Variants in TLN2 observed in about 807,000 individuals in gnomAD.
The protein encoded by TLN2 is talin-2.
TLN2 carries 118 observed loss-of-function variants against 294.7 expected under a neutral mutation model. The observed-to-expected ratio is 0.40, with a 90% CI of 0.34 to 0.47. The LOEUF (loss-of-function observed/expected upper bound fraction) is 0.47. Among genes scored for constraint, TLN2 ranks in the 20% least tolerant of loss-of-function variants. The probability of loss-of-function intolerance (pLI) is 0.84; values close to 1 mark genes in which losing one functional copy is unlikely to be tolerated. For missense variants in TLN2, 3,083 were observed against 3,282.2 expected, an observed-to-expected ratio of 0.94 and a Z score of 1.48; for synonymous variants, 1,431 against 1,304.5, an observed-to-expected ratio of 1.10 and a Z score of -2.09.
At chr15:62,544,499 A>T (rs2041877827) in intron 1 of TLN2, among the ~76,000 whole-genome samples, 1 of 152,204 alleles carries the variant, frequency 6.6e-6, no homozygotes, top group South Asian at 2.1e-4. Flanking sequence ...AAGAAAAACC[A>T]ACACTGTGTG....
In TLN2 at chr15:62,755,566, C is replaced by T. The variant is rs372515133; in HGVS notation, c.4511C>T (p.Thr1504Met). Residue 1504 changes from threonine (T) to methionine (M), a missense_variant, in exon 37 of 59, where the codon ACG becomes ATG. Coordinates refer to ENST00000636159, the MANE Select transcript of TLN2 (RefSeq NM_015059.3). The stretch of plus-strand genomic sequence containing the variant: ...GCCGCCACAATTGTTGCCAAGCACA[C>T]GTCAGCCTTGTGCAATGCCTGCCGC... ...LSAATIVAKH[T>M]SALCNACRIA... The T allele has an allele frequency of 3.0e-5, 49 of 1,614,130 alleles. No individual in the cohort carries two copies. Among genetic ancestry groups the T allele is most frequent in the South Asian group, 1.1e-4 (10 of 91,092 alleles).
chr15:62,581,776 GC>G (rs998231314), intron 1 of TLN2, among the ~76,000 whole-genome samples: 2 of 152,096 alleles, frequency 1.3e-5, no homozygotes, highest in African/African-American at 2.4e-5. Context: ...GGGTGCGGTG[GC>G]TCACACCTGT....
chr15:62,790,287 A>G (rs768492265), intron 45 of TLN2, among the ~76,000 whole-genome samples: 27 of 152,220 alleles, frequency 1.8e-4, no homozygotes, highest in Non-Finnish European at 3.2e-4. Flanking sequence ...ATAACCCATT[A>G]CTGCTATCCG....
chr15:62,594,794 A>G (rs982921850), intron 2 of TLN2, among the ~76,000 whole-genome samples: 1 of 152,228 alleles, frequency 6.6e-6, no homozygotes, highest in Non-Finnish European at 1.5e-5. Flanking sequence ...CAATGAAAAC[A>G]GAAATAGACA....
intron 50 of TLN2, 58 bp from the exon 51 acceptor site, chr15:62,805,541 TA>T (rs1345992866): frequency 3.7e-5 from 56 of 1,502,540 alleles, no homozygotes; most frequent in Non-Finnish European, 4.7e-5. Context: ...TGGAGAAGAA[TA>T]AATTATTTTT....
At chr15:62,536,211 G>C (rs1350132766) in intron 1 of TLN2, among the ~76,000 whole-genome samples, 1 of 152,154 alleles carries the variant, frequency 6.6e-6, no homozygotes, top group Non-Finnish European at 1.5e-5. Context: ...ATCACCGGGG[G>C]ATCTTTTACA....
At chr15:62,507,254 G>A (rs2039671385) in intron 1 of TLN2, among the ~76,000 whole-genome samples, 2 of 152,118 alleles carry the variant, frequency 1.3e-5, no homozygotes, top group African/African-American at 4.8e-5. Flanking sequence ...ATCGTGCTTC[G>A]AGGTTGGTTT....
In TLN2 at chr15:62,809,825, C is replaced by T. The variant is rs1261376858; in HGVS notation, c.6664-100C>T. On this transcript the variant is annotated intron_variant, in intron 51 of 58. Transcript: ENST00000636159. ...TCTGTCCAGGGAGTCAGGGCAGTTT[C>T]TTGAGGTCACCAGGGTTAAGGTCTC... is the stretch of plus-strand genomic sequence containing the variant. 6.2e-6 allele frequency: 7 copies of T among 1,129,620 alleles called. No homozygotes were observed. In the Admixed American group the frequency reaches 1.4e-4, roughly 22 times the overall value. 70.0% of individuals were successfully genotyped at this position (1,129,620 alleles called of 1,614,324 possible). A position where few individuals can be genotyped will look rare whatever the true frequency, so the allele number is the denominator to read the frequency against.
intron 1 of TLN2, among the ~76,000 whole-genome samples, chr15:62,491,371 C>T (rs1270489548): frequency 1.6e-5 from 2 of 127,084 alleles, no homozygotes; most frequent in Non-Finnish European, 3.2e-5. Flanking sequence ...CACACACACA[C>T]ACACACACAC....
At chr15:62,468,960 C>T (rs999964969) in intron 1 of TLN2, among the ~76,000 whole-genome samples, 3 of 152,084 alleles carry the variant, frequency 2.0e-5, no homozygotes, top group East Asian at 1.9e-4. Flanking sequence ...GCCCAGAAAA[C>T]GGCTGCTGTA....
At chr15:62,702,885 T>C (rs1045935904) in intron 19 of TLN2, 21 bp downstream of exon 19, 15 of 1,609,108 alleles carry the variant, frequency 9.3e-6, no homozygotes, top group South Asian at 2.2e-5. Context: ...TGCAGGCTTA[T>C]AGTCATGGAA....
intron 1 of TLN2, among the ~76,000 whole-genome samples, chr15:62,507,684 T>A (rs140504891): frequency 6.6e-6 from 1 of 152,330 alleles, no homozygotes; most frequent in East Asian, 1.9e-4. Context: ...ACATGATTGA[T>A]CAGAGGAACT....
chr15:62,831,581 A>G (rs893394711), intron 54 of TLN2: 7 of 152,192 alleles, frequency 4.6e-5, no homozygotes, highest in African/African-American at 1.7e-4. Context: ...TCATTTCCGT[A>G]TTTCAGTCAC....
chr15:62,596,332 A>C (rs1268081681), intron 2 of TLN2, among the ~76,000 whole-genome samples: 2 of 152,008 alleles, frequency 1.3e-5, no homozygotes, highest in Non-Finnish European at 2.9e-5. Context: ...TATCACAAAA[A>C]AAATACGTTA....
chr15:62,698,800 ACGC>A lies in TLN2; in HGVS notation c.1523_1525del (p.Ala508del). On this transcript the variant is annotated inframe_deletion, in exon 16 of 59. Transcript: ENST00000636159. Reference sequence around the variant, plus strand: ...ATGGGGACCATCAACACAAGCATGCACGCCGTCCAGCAGGCCCAGGATGATCTC... The same window carrying A: ...ATGGGGACCATCAACACAAGCATGCACGTCCAGCAGGCCCAGGATGATCTC... The A allele has an allele frequency of 6.2e-7, 1 of 1,612,564 alleles. No homozygotes were observed. Among genetic ancestry groups the A allele is most frequent in the Non-Finnish European group, 8.5e-7 (1 of 1,179,984 alleles).
intron 52 of TLN2, among the ~76,000 whole-genome samples, chr15:62,810,830 T>A (rs2066632989): frequency 6.6e-6 from 1 of 152,062 alleles, no homozygotes; most frequent in South Asian, 2.1e-4. Flanking sequence ...TGATGATGTC[T>A]CTCCTCCATC....
At chr15:62,822,703 GAATATTATGCAGCTAT>G (rs1224002388) in intron 54 of TLN2, among the ~76,000 whole-genome samples, 10 of 152,300 alleles carry the variant, frequency 6.6e-5, no homozygotes, top group South Asian at 2.1e-4. Context: ...CTCCTCGAAG[GAATATTATGCAGCTAT>G]AATATTATGC....
intron 1 of TLN2, among the ~76,000 whole-genome samples, chr15:62,464,565 A>G (rs2037003622): frequency 6.7e-6 from 1 of 148,736 alleles, no homozygotes; most frequent in Non-Finnish European, 1.5e-5. Context: ...TAGAACTTAA[A>G]GTATATTTAA....
intron 11 of TLN2, among the ~76,000 whole-genome samples, chr15:62,684,818 T>G (rs1017337079): frequency 2.0e-5 from 3 of 151,196 alleles, no homozygotes; most frequent in African/African-American, 7.3e-5. Context: ...TGAAAAATGA[T>G]GATACCAGTG....
Sources: allele counts gnomAD v4.1 joint callset (sites outside exome capture counted in the v4.1 genomes callset), GRCh38; gene constraint gnomAD v4.1.1; transcripts MANE v1.5; gene names NCBI Gene and HGNC (gene_info 2026-07-23, HGNC 2026-07-21).